Variants in NELL1 observed in about 807,000 individuals in gnomAD.
The protein encoded by NELL1 is neural EGFL like 1, also known as protein kinase C-binding protein NELL1.
NELL1 carries 76 observed loss-of-function variants against 107.4 expected under a neutral mutation model. The observed-to-expected ratio is 0.71, with a 90% CI of 0.59 to 0.86. The LOEUF is 0.86. Ranked by LOEUF, NELL1 falls within the 40% of genes least tolerant of loss-of-function variation. The pLI is 0.00. For synonymous variants in NELL1, 353 were observed against 341.2 expected, an observed-to-expected ratio of 1.03 and a Z score of -0.38; for missense variants, 1,024 against 1,005.5, an observed-to-expected ratio of 1.02 and a Z score of -0.25.
chr11:21,060,729 T>C (rs1282019922), intron 12 of NELL1, among the ~76,000 whole-genome samples: 1 of 152,132 alleles, frequency 6.6e-6, no homozygotes, highest in Non-Finnish European at 1.5e-5. Flanking sequence ...TGAGACAGAG[T>C]CTCACTTTGT....
At chr11:21,177,614 A>G (rs933441883) in intron 13 of NELL1, among the ~76,000 whole-genome samples, 4 of 151,788 alleles carry the variant, frequency 2.6e-5, no homozygotes, top group East Asian at 1.9e-4. Flanking sequence ...AATGATTTCA[A>G]TTCCTTTGGG....
chr11:21,217,795 G>A lies in NELL1; in HGVS notation c.1427-11537G>A, dbSNP rs575450795. 4.6e-5 allele frequency among the ~76,000 whole-genome samples: 7 copies of A among 152,274 alleles called. No individual in the cohort carries two copies. In the East Asian group the frequency reaches 5.8e-4, roughly 13 times the overall value. ...AAGCCAGCAGACCCCCAAACGTGGG[G>A]CATTTGTAGCCACAGTAGAAATGTT... is the stretch of plus-strand genomic sequence containing the variant. On this transcript the variant is annotated intron_variant, in intron 13 of 19. Coordinates refer to ENST00000357134, the MANE Select transcript of NELL1 (RefSeq NM_006157.5).
At chr11:21,515,914 C>T (rs1855549982) in intron 15 of NELL1, among the ~76,000 whole-genome samples, 1 of 152,146 alleles carries the variant, frequency 6.6e-6, no homozygotes, top group Non-Finnish European at 1.5e-5. Context: ...GCAGAGCTGG[C>T]CCTGGGTGTC....
chr11:20,792,695 A>G (rs1332461321), intron 3 of NELL1, among the ~76,000 whole-genome samples: 1 of 151,966 alleles, frequency 6.6e-6, no homozygotes, highest in Non-Finnish European at 1.5e-5. Context: ...TATTTCTGAA[A>G]TCCTTGAATA....
chr11:21,323,055 C>G (rs1203233827), intron 14 of NELL1, among the ~76,000 whole-genome samples: 1 of 152,146 alleles, frequency 6.6e-6, no homozygotes, highest in Non-Finnish European at 1.5e-5. Flanking sequence ...TTAAAATTCT[C>G]TAATGCATGG....
chr11:21,549,525 A>G (rs1366172769), intron 16 of NELL1, among the ~76,000 whole-genome samples: 2 of 151,848 alleles, frequency 1.3e-5, no homozygotes, highest in Non-Finnish European at 2.9e-5. Context: ...ACTTGCTGTC[A>G]TATTCCCAAT....
intron 12 of NELL1, among the ~76,000 whole-genome samples, chr11:21,032,043 T>G (rs1241209266): frequency 7.3e-6 from 1 of 136,276 alleles, no homozygotes; most frequent in Non-Finnish European, 1.5e-5. Context: ...AGACTCCATG[T>G]CAAAATAATA....
intron 13 of NELL1, among the ~76,000 whole-genome samples, chr11:21,225,676 T>C (rs1038509459): frequency 6.6e-6 from 1 of 152,164 alleles, no homozygotes; most frequent in Admixed American, 6.6e-5. Flanking sequence ...CTCAATTCAG[T>C]TGTAACCACC....
intron 15 of NELL1, among the ~76,000 whole-genome samples, chr11:21,390,196 C>T (rs528909970): frequency 3.2e-4 from 48 of 151,678 alleles, no homozygotes; most frequent in Admixed American, 8.6e-4. Flanking sequence ...GTTATACTGG[C>T]TTGTAAAGTA....
At chr11:21,119,948 G>A (rs952651131) in intron 13 of NELL1, among the ~76,000 whole-genome samples, 5 of 152,062 alleles carry the variant, frequency 3.3e-5, no homozygotes, top group African/African-American at 7.2e-5. Flanking sequence ...AGCATGCAGC[G>A]ATAAGACAGA....
At chr11:21,094,829 G>A (rs1854603757) in intron 12 of NELL1, among the ~76,000 whole-genome samples, 2 of 152,134 alleles carry the variant, frequency 1.3e-5, no homozygotes, top group African/African-American at 4.8e-5. Context: ...TAGGCCACTG[G>A]GCCTGTGATG....
At chr11:20,936,525 G>C (rs1428849147) in intron 9 of NELL1, among the ~76,000 whole-genome samples, 1 of 152,154 alleles carries the variant, frequency 6.6e-6, no homozygotes, top group Non-Finnish European at 1.5e-5. Flanking sequence ...TTTCTCACCT[G>C]GTCATCCTCT....
intron 14 of NELL1, among the ~76,000 whole-genome samples, chr11:21,258,740 CT>C (rs1467852370): frequency 1.3e-5 from 2 of 151,962 alleles, no homozygotes; most frequent in Non-Finnish European, 2.9e-5. Flanking sequence ...ATCCGGGCAT[CT>C]CATAACCTAG....
At chr11:20,801,957 C>T (rs115989996) in intron 3 of NELL1, among the ~76,000 whole-genome samples, 2 of 152,086 alleles carry the variant, frequency 1.3e-5, no homozygotes, top group East Asian at 3.8e-4. Context: ...TGTTTTTATG[C>T]CAGTGCCATG....
chr11:21,164,187 C>T (rs1330964817), intron 13 of NELL1, among the ~76,000 whole-genome samples: 2 of 152,148 alleles, frequency 1.3e-5, no homozygotes, highest in East Asian at 3.8e-4. Context: ...CTCTGGCAGA[C>T]TATTACAGTA....
Position 20,818,412 on chromosome 11 carries a change from T to A in NELL1, c.336-29171T>A, listed in dbSNP as rs1285860897. Among the ~76,000 whole-genome samples the A allele has an allele frequency of 3.8e-4, 3 of 7,876 alleles. No individual in the cohort carries two copies. In the South Asian group the frequency reaches 0.013, roughly 34 times the overall value. 5.2% of individuals were successfully genotyped at this position (7,876 alleles called of 152,430 possible). ...ATAAGAGAAGCAACCCCTGCTTTTT[T>A]TTTTTTTTTTTTTTTTTGTCTTCGG... On this transcript the variant is annotated intron_variant, in intron 3 of 19. Transcript: ENST00000357134.
chr11:20,988,443 A>G (rs1936552603), intron 12 of NELL1, among the ~76,000 whole-genome samples: 1 of 134,468 alleles, frequency 7.4e-6, no homozygotes, highest in African/African-American at 2.9e-5. Flanking sequence ...ATATATCTAT[A>G]TATACACATG....
chr11:20,824,851 C>T (rs1589252), intron 3 of NELL1, among the ~76,000 whole-genome samples: 1 of 150,944 alleles, frequency 6.6e-6, no homozygotes, highest in African/African-American at 2.4e-5. Flanking sequence ...ACTGACAATG[C>T]GATAGAAAAA....
intron 15 of NELL1, among the ~76,000 whole-genome samples, chr11:21,468,044 C>T (rs760090335): frequency 1.3e-5 from 2 of 152,058 alleles, no homozygotes; most frequent in African/African-American, 4.8e-5. Context: ...GAAATATTCT[C>T]AGTTGCATAA....
Sources: allele counts gnomAD v4.1 joint callset (sites outside exome capture counted in the v4.1 genomes callset), GRCh38; gene constraint gnomAD v4.1.1; transcripts MANE v1.5; gene names NCBI Gene and HGNC (gene_info 2026-07-23, HGNC 2026-07-21).